The following YEATS4 variants were observed in gnomAD, a reference collection of about 807,000 sequenced individuals.
The protein encoded by YEATS4 is YEATS domain-containing protein 4.
YEATS4 carries 17 observed loss-of-function variants against 30.1 expected under a neutral mutation model. The ratio of observed to expected loss-of-function variants is 0.56; its 90% confidence interval spans 0.39 to 0.85. YEATS4 has a LOEUF of 0.85. YEATS4 is among the 40% of genes least tolerant of loss of function. YEATS4 has a pLI of 0.00. For missense variants in YEATS4, 142 were observed against 268.3 expected, an observed-to-expected ratio of 0.53 and a Z score of 3.29; for synonymous variants, 85 against 87.5, an observed-to-expected ratio of 0.97 and a Z score of 0.16.
At chr12:69,374,409 T>A (rs1373193085) in intron 6 of YEATS4, among the ~76,000 whole-genome samples, 3 of 152,324 alleles carry the variant, frequency 2.0e-5, no homozygotes, top group East Asian at 1.9e-4. Flanking sequence ...TCTTTTTTTT[T>A]ATTTAATTTT....
the YEATS4 span, among the ~76,000 whole-genome samples, chr12:69,424,640 G>A: frequency 6.6e-6 from 1 of 152,104 alleles, no homozygotes; most frequent in Non-Finnish European, 1.5e-5. Flanking sequence ...CTGTTCTCGT[G>A]ATAGTGAGTG....
chr12:69,397,054 A>G, the YEATS4 span, among the ~76,000 whole-genome samples: 7 of 152,370 alleles, frequency 4.6e-5, no homozygotes, highest in Admixed American at 4.6e-4. Context: ...AGAATAAAGA[A>G]GATAATAATG....
chr12:69,407,702 C>CTTTTTTTTTTTTTTTTTTT, the YEATS4 span, among the ~76,000 whole-genome samples: 2 of 62,620 alleles, frequency 3.2e-5, no homozygotes, highest in East Asian at 5.2e-4. Flanking sequence ...TACTTTTTGT[C>CTTTTTTTTTTTTTTTTTTT]TTTTTTTTTT....
At chr12:69,418,781 G>A in the YEATS4 span, among the ~76,000 whole-genome samples, 7 of 151,864 alleles carry the variant, frequency 4.6e-5, no homozygotes, top group African/African-American at 1.7e-4. Context: ...TTGCCAATAA[G>A]TTGTAAATAT....
At chr12:69,402,100 C>T in the YEATS4 span, among the ~76,000 whole-genome samples, 1 of 152,146 alleles carries the variant, frequency 6.6e-6, no homozygotes, top group South Asian at 2.1e-4. Flanking sequence ...CTGGGAAGTG[C>T]TCCATGGCAT....
the YEATS4 span, among the ~76,000 whole-genome samples, chr12:69,398,992 A>G: frequency 6.7e-6 from 1 of 149,408 alleles, no homozygotes; most frequent in Non-Finnish European, 1.5e-5. Flanking sequence ...CTACTAATAC[A>G]AAAAATTAGC....
rs1432474768 is a variant in YEATS4, at chr12:69,370,762, G to A, written c.390G>A (p.Gly130=). The part of the protein sequence containing the change: ...LFQSDTNAML[G]KKTVVSEFYD... ...AATCAGACACCAATGCAATGCTGGG[G>A]AAAAAGACAGTGGTTTCAGAGTTCT... The change falls in exon 5 of 7, where the codon GGG becomes GGA. Residue 130 remains glycine, a synonymous_variant. Transcript: ENST00000247843. 6.3e-6 allele frequency: 10 copies of A among 1,598,094 alleles called. No homozygotes were observed. Among genetic ancestry groups the A allele is most frequent in the Non-Finnish European group, 8.5e-6 (10 of 1,175,174 alleles).
the YEATS4 span, among the ~76,000 whole-genome samples, chr12:69,416,024 G>T: frequency 6.6e-6 from 1 of 152,206 alleles, no homozygotes; most frequent in African/African-American, 2.4e-5. Context: ...ACTTCTGTGA[G>T]AACTGAGCCA....
chr12:69,415,702 A>C, the YEATS4 span, among the ~76,000 whole-genome samples: 1 of 152,226 alleles, frequency 6.6e-6, no homozygotes, highest in Non-Finnish European at 1.5e-5. Flanking sequence ...ACAAAAGCCA[A>C]GACTGTGTAT....
the YEATS4 span, among the ~76,000 whole-genome samples, chr12:69,402,606 C>T: frequency 6.6e-6 from 1 of 152,150 alleles, no homozygotes; most frequent in East Asian, 1.9e-4. Context: ...GGCAGTCAGA[C>T]ATAGATGAGT....
the YEATS4 span, among the ~76,000 whole-genome samples, chr12:69,413,618 G>A: frequency 6.0e-5 from 9 of 149,938 alleles, no homozygotes; most frequent in African/African-American, 2.0e-4. Context: ...TTGGGAGGCC[G>A]AGACAGGCAG....
chr12:69,395,096 A>G (rs1426043172), downstream of YEATS4, among the ~76,000 whole-genome samples: 1 of 152,094 alleles, frequency 6.6e-6, no homozygotes, highest in Non-Finnish European at 1.5e-5. Flanking sequence ...AATATCTGCT[A>G]AAAGACTGAC....
chr12:69,360,339 T>G (rs1049442696), intron 1 of YEATS4, among the ~76,000 whole-genome samples: 1 of 152,134 alleles, frequency 6.6e-6, no homozygotes, highest in African/African-American at 2.4e-5. Flanking sequence ...TGGTGCACAT[T>G]CGCTGCCAAT....
At chr12:69,423,378 CA>C in the YEATS4 span, among the ~76,000 whole-genome samples, 1 of 152,106 alleles carries the variant, frequency 6.6e-6, no homozygotes, top group Non-Finnish European at 1.5e-5. Context: ...GGGGTATAAA[CA>C]GGGCACTTTT....
At chr12:69,388,185 C>T (rs1023892089) in intron 6 of YEATS4, among the ~76,000 whole-genome samples, 1 of 152,180 alleles carries the variant, frequency 6.6e-6, no homozygotes, top group Non-Finnish European at 1.5e-5. Flanking sequence ...CTCAGCCTCA[C>T]GCGTAGCTGG....
the YEATS4 span, among the ~76,000 whole-genome samples, chr12:69,397,545 C>T: frequency 3.3e-5 from 5 of 152,338 alleles, no homozygotes; most frequent in Non-Finnish European, 5.9e-5. Context: ...TGCACACGCT[C>T]TCTTGCCTGC....
At chr12:69,371,754 A>G (rs1026284039) in intron 6 of YEATS4, among the ~76,000 whole-genome samples, 12 of 152,328 alleles carry the variant, frequency 7.9e-5, no homozygotes, top group African/African-American at 2.9e-4. Flanking sequence ...GGTATTAAAT[A>G]AACAGAACAA....
downstream of YEATS4, among the ~76,000 whole-genome samples, chr12:69,394,505 C>A (rs1868336938): frequency 6.6e-6 from 1 of 152,136 alleles, no homozygotes; most frequent in African/African-American, 2.4e-5. Flanking sequence ...GCAAATATTT[C>A]TCATCCATGT....
chr12:69,360,424 G>A (rs1388587558), intron 1 of YEATS4, among the ~76,000 whole-genome samples: 1 of 152,164 alleles, frequency 6.6e-6, no homozygotes, highest in African/African-American at 2.4e-5. Flanking sequence ...CAGTCGCTGA[G>A]CGCTTACCCG....
Sources: allele counts gnomAD v4.1 joint callset (sites outside exome capture counted in the v4.1 genomes callset), GRCh38; gene constraint gnomAD v4.1.1; transcripts MANE v1.5; gene names NCBI Gene and HGNC (gene_info 2026-07-23, HGNC 2026-07-21).